The following GIGYF2 variants were observed in gnomAD, a reference collection of about 807,000 sequenced individuals.
The protein encoded by GIGYF2 is GRB10 interacting GYF protein 2.
In GIGYF2, 25 loss-of-function variants were observed where a neutral mutation model predicts 208.1. The observed-to-expected ratio is 0.12, with a 90% confidence interval of 0.09 to 0.17. GIGYF2 has a LOEUF of 0.17. GIGYF2 is among the 10% of genes least tolerant of loss of function. The probability of loss-of-function intolerance (pLI) is 1.00; values close to 1 mark genes in which losing one functional copy is unlikely to be tolerated. For synonymous variants in GIGYF2, 534 were observed against 543.8 expected, an observed-to-expected ratio of 0.98 and a Z score of 0.25; for missense variants, 1,302 against 1,579.4, an observed-to-expected ratio of 0.82 and a Z score of 2.98.
intron 21 of GIGYF2, chr2:232,828,506 G>C (rs1701320386): frequency 6.6e-6 from 1 of 151,944 alleles, no homozygotes; most frequent in East Asian, 1.9e-4. Context: ...ACAGTGAAGT[G>C]CAATGGTGTG....
At chr2:232,742,384 T>C (rs1698000110) in intron 3 of GIGYF2, among the ~76,000 whole-genome samples, 1 of 151,992 alleles carries the variant, frequency 6.6e-6, no homozygotes, top group Non-Finnish European at 1.5e-5. Context: ...CTACTAAAAA[T>C]ACAAAAATTA....
At chr2:232,756,977 A>T (rs1698570328) in intron 6 of GIGYF2, among the ~76,000 whole-genome samples, 1 of 152,178 alleles carries the variant, frequency 6.6e-6, no homozygotes, top group Non-Finnish European at 1.5e-5. Context: ...TATTTGCTTA[A>T]TCATGTAGCT....
intron 21 of GIGYF2, among the ~76,000 whole-genome samples, chr2:232,826,222 A>G (rs1701242034): frequency 6.6e-6 from 1 of 152,214 alleles, no homozygotes. Context: ...ATACCCAGTA[A>G]TGGGATCGCT....
At chr2:232,844,798 C>A (rs1701944125) in intron 25 of GIGYF2, among the ~76,000 whole-genome samples, 1 of 152,104 alleles carries the variant, frequency 6.6e-6, no homozygotes, top group South Asian at 2.1e-4. Context: ...TATTCTATCG[C>A]CTAGCACATG....
In GIGYF2 at chr2:232,787,179, A is replaced by T; in HGVS notation, c.562A>T (p.Thr188Ser). ...ACCAAATTTTGAGGAAGGTGGACCAACATCAGTAGGGAGAAAGCATGAATT... is the reference window on the plus strand; with the variant it reads ...ACCAAATTTTGAGGAAGGTGGACCATCATCAGTAGGGAGAAAGCATGAATT... Reference protein sequence around the residue: ...GRPNFEEGGPTSVGRKHEFIR... With the variant: ...GRPNFEEGGPSSVGRKHEFIR... Residue 188 changes from threonine (T) to serine (S), a missense_variant, in exon 9 of 29, where the codon ACA becomes TCA. Thr to Ser is a moderately conservative substitution (Grantham distance 58). This residue lies in a region of GIGYF2 where 189 missense variants were observed against 257.7 expected (regional missense o/e 0.73). Transcript: ENST00000373563. 1 of 1,614,092 alleles carries T rather than the reference A, an allele frequency of 6.2e-7. No homozygotes were observed. The highest frequency in any genetic ancestry group is 1.1e-5 in the South Asian group (1 of 91,086).
chr2:232,762,335 CTA>C (rs1402328479), intron 8 of GIGYF2, among the ~76,000 whole-genome samples: 2 of 150,776 alleles, frequency 1.3e-5, no homozygotes, highest in African/African-American at 4.9e-5. Flanking sequence ...TCACTGCAAC[CTA>C]TGCCTCCCGG....
At chr2:232,702,404 A>G (rs983430) in intron 1 of GIGYF2, among the ~76,000 whole-genome samples, 48,837 of 151,122 alleles carry the variant, frequency 0.32, 8,229 homozygotes, top group South Asian at 0.62. Context: ...GTGCCACTGC[A>G]CTCCAGCCTG....
At chr2:232,770,128 T>C (rs1699172242) in intron 8 of GIGYF2, among the ~76,000 whole-genome samples, 2 of 152,178 alleles carry the variant, frequency 1.3e-5, no homozygotes, top group Non-Finnish European at 2.9e-5. Flanking sequence ...AGTTTGTGAT[T>C]TGCAGGTTAT....
intron 23 of GIGYF2, among the ~76,000 whole-genome samples, chr2:232,841,461 ATTT>A (rs57307878): frequency 1.6e-4 from 22 of 138,796 alleles, no homozygotes; most frequent in African/African-American, 5.3e-4. Context: ...ACCACCAGCT[ATTT>A]TTTTTTTTTT....
At chr2:232,751,720 T>G (rs544225541) in intron 5 of GIGYF2, among the ~76,000 whole-genome samples, 1 of 152,190 alleles carries the variant, frequency 6.6e-6, no homozygotes, top group Non-Finnish European at 1.5e-5. Context: ...TACCAAAATG[T>G]GGTAGACTTT....
At chr2:232,793,150 A>G (rs1385741207) in intron 12 of GIGYF2, among the ~76,000 whole-genome samples, 1 of 152,212 alleles carries the variant, frequency 6.6e-6, no homozygotes, top group Non-Finnish European at 1.5e-5. Flanking sequence ...AGGCTTGGGC[A>G]GGAAATCAGC....
chr2:232,733,827 T>A (rs958861924), intron 2 of GIGYF2, among the ~76,000 whole-genome samples: 1 of 152,214 alleles, frequency 6.6e-6, no homozygotes, highest in East Asian at 1.9e-4. Flanking sequence ...GCTGTATTGT[T>A]TAGGGAACAA....
chr2:232,718,025 T>C (rs1696768373), intron 2 of GIGYF2, among the ~76,000 whole-genome samples: 2 of 152,170 alleles, frequency 1.3e-5, no homozygotes, highest in South Asian at 4.1e-4. Flanking sequence ...CCAGCTTGTT[T>C]TTCTAAACAT....
At chr2:232,751,278 AG>A (rs1698330191) in intron 5 of GIGYF2, among the ~76,000 whole-genome samples, 1 of 152,206 alleles carries the variant, frequency 6.6e-6, no homozygotes, top group African/African-American at 2.4e-5. Context: ...GCAGTGTCAC[AG>A]TCTCGGCTCA....
intron 3 of GIGYF2, among the ~76,000 whole-genome samples, chr2:232,741,333 G>C (rs1168085008): frequency 6.6e-6 from 1 of 151,542 alleles, no homozygotes; most frequent in African/African-American, 2.4e-5. Context: ...TCTGGAATCT[G>C]TTCATTTCTC....
At chr2:232,797,981 CAAAAAAAA>C (rs57991158) in intron 14 of GIGYF2, among the ~76,000 whole-genome samples, 21 of 102,392 alleles carry the variant, frequency 2.1e-4, no homozygotes, top group Middle Eastern at 5.1e-3. Context: ...ACTGTGCCTC[CAAAAAAAA>C]AAAAAAAAAA....
In GIGYF2 at chr2:232,833,083, C is replaced by G. The variant is rs1466383296; in HGVS notation, c.2756C>G (p.Ala919Gly). The stretch of plus-strand genomic sequence containing the variant: ...CAGCAGCAGCAGCAACAACAGCTGG[C>G]GCAGATGAAGGTAAAGCCCGAGGCA... ...LQQQQQQQQL[A>G]QMKLPSSSTW... Residue 919 changes from alanine to glycine, a missense_variant, in exon 22 of 29, where the codon GCG becomes GGG. Physicochemically the swap from Ala to Gly is moderately conservative, Grantham distance 60 (BLOSUM62 0). Coordinates refer to ENST00000373563, the MANE Select transcript of GIGYF2 (RefSeq NM_001103146.3). 1 of 1,550,844 alleles carries G rather than the reference C, an allele frequency of 6.4e-7. No homozygotes were observed. Among genetic ancestry groups the G allele is most frequent in the Non-Finnish European group, 8.7e-7 (1 of 1,146,410 alleles).
At chr2:232,725,029 A>G (rs1296734370) in intron 2 of GIGYF2, among the ~76,000 whole-genome samples, 3 of 152,222 alleles carry the variant, frequency 2.0e-5, no homozygotes, top group African/African-American at 7.2e-5. Flanking sequence ...AATATTTTAA[A>G]TATAATCATA....
intron 14 of GIGYF2, among the ~76,000 whole-genome samples, chr2:232,799,884 A>G (rs971806625): frequency 2.0e-5 from 3 of 151,524 alleles, no homozygotes; most frequent in African/African-American, 7.3e-5. Context: ...AGGAATGTTA[A>G]GCATCTTTTC....
Sources: allele counts gnomAD v4.1 joint callset (sites outside exome capture counted in the v4.1 genomes callset), GRCh38; gene constraint gnomAD v4.1.1; regional missense constraint gnomAD v4.1.1; transcripts MANE v1.5; gene names NCBI Gene and HGNC (gene_info 2026-07-23, HGNC 2026-07-21).